The following SATL1 variants were observed in gnomAD, a reference collection of about 807,000 sequenced individuals.
SATL1 encodes the protein spermidine/spermine N(1)-acetyltransferase-like protein 1.
In SATL1, 47 loss-of-function variants were observed where a neutral mutation model predicts 51.8. That is an observed-to-expected ratio of 0.91 (90% confidence interval 0.72 to 1.16). The LOEUF is 1.16. Among genes scored for constraint, SATL1 ranks in the 50% most tolerant of loss-of-function variants. The probability of loss-of-function intolerance (pLI) is 0.00; values close to 1 mark genes in which losing one functional copy is unlikely to be tolerated. For missense variants in SATL1, 520 were observed against 526.4 expected (o/e 0.99, Z 0.12); for synonymous variants, 176 against 182.4 (o/e 0.97, Z 0.28).
At chrX:85,134,185 AGT>A (rs753121725) in intron 2 of SATL1, among the ~76,000 whole-genome samples, 34 of 108,268 alleles carry the variant, frequency 3.1e-4, no homozygotes, top group African/African-American at 7.1e-4. Flanking sequence ...GTGTGTGTAT[AGT>A]GTGTGTGTGT....
At chrX:85,167,749 C>G (rs1325154241) in intron 2 of SATL1, among the ~76,000 whole-genome samples, 1 of 110,976 alleles carries the variant, frequency 9.0e-6, no homozygotes, top group Non-Finnish European at 1.9e-5. Flanking sequence ...TGAAACTATT[C>G]CAAAAAATTG....
chrX:85,202,462 T>C (rs769728502), intron 2 of SATL1, among the ~76,000 whole-genome samples: 5 of 111,764 alleles, frequency 4.5e-5, no homozygotes, highest in African/African-American at 1.6e-4. Flanking sequence ...CTCAGTGCTC[T>C]GAAAGTGTGG....
At chrX:85,160,488 C>T (rs767912523) in intron 2 of SATL1, among the ~76,000 whole-genome samples, 116 of 110,068 alleles carry the variant, frequency 1.1e-3, no homozygotes, top group Non-Finnish European at 1.9e-3. Context: ...TAGAAATGAA[C>T]GAAACTGACC....
rs764520690 is a variant in SATL1 at position 85,107,913 on chromosome X, C to T, written c.1056G>A (p.Pro352=). ...GGCCTGATTGGCTTGGGGCTCGTTGCGGTGGACCTGGTTGGCTTATGCTTG... is the reference window on the plus strand; with the variant it reads ...GGCCTGATTGGCTTGGGGCTCGTTGTGGTGGACCTGGTTGGCTTATGCTTG... ...SEASISQPGP[P]QRAPSQSGPR... is the part of the protein sequence containing the mutation. The change falls in exon 3 of 8, where the codon CCG becomes CCA. Residue 352 remains proline (P), a synonymous_variant. Transcript: ENST00000644105. 1.2e-5 allele frequency: 14 copies of T among 1,207,765 alleles called. No individual in the cohort carries two copies. In the Admixed American group the frequency reaches 1.8e-4, roughly 15 times the overall value.
intron 2 of SATL1, among the ~76,000 whole-genome samples, chrX:85,186,581 A>T (rs1012075620): frequency 9.0e-6 from 1 of 111,446 alleles, no homozygotes; most frequent in African/African-American, 3.3e-5. Flanking sequence ...CCCTCTGTGG[A>T]CACAGTGGTG....
At chrX:85,123,738 CA>C (rs765185068) in intron 2 of SATL1, among the ~76,000 whole-genome samples, 1 of 111,748 alleles carries the variant, frequency 8.9e-6, no homozygotes, top group African/African-American at 3.2e-5. Flanking sequence ...TCAATGATTA[CA>C]AAGAAACATC....
chrX:85,199,356 G>A (rs988933297), intron 2 of SATL1, among the ~76,000 whole-genome samples: 5 of 111,480 alleles, frequency 4.5e-5, no homozygotes, highest in Non-Finnish European at 9.4e-5. Context: ...ATATCACTAC[G>A]GAGAACGCTT....
intron 2 of SATL1, among the ~76,000 whole-genome samples, chrX:85,169,469 AAAGAC>A (rs1926923933): frequency 8.9e-6 from 1 of 111,875 alleles, no homozygotes; most frequent in Non-Finnish European, 1.9e-5. Flanking sequence ...AAAGACAAGA[AAAGAC>A]ACTTTTCAAA....
chrX:85,235,465 CA>C (rs199810662), intron 1 of SATL1, among the ~76,000 whole-genome samples: 1 of 109,260 alleles, frequency 9.2e-6, no homozygotes, highest in Non-Finnish European at 1.9e-5. Flanking sequence ...TTAAGAAATT[CA>C]AAAAAAATTA....
intron 2 of SATL1, among the ~76,000 whole-genome samples, chrX:85,153,349 A>G (rs73511622): frequency 0.049 from 5,451 of 111,737 alleles, 365 homozygotes; most frequent in African/African-American, 0.17. Flanking sequence ...AGGCCTCTTC[A>G]ACCTCTTCAG....
chrX:85,151,887 A>T (rs1005273587), intron 2 of SATL1, among the ~76,000 whole-genome samples: 16 of 111,545 alleles, frequency 1.4e-4, no homozygotes, highest in Non-Finnish European at 3.8e-5. Flanking sequence ...AGGCAATACC[A>T]TTCAGGACAT....
intron 2 of SATL1, among the ~76,000 whole-genome samples, chrX:85,184,815 A>G (rs762779775): frequency 8.9e-6 from 1 of 112,020 alleles, no homozygotes; most frequent in African/African-American, 3.2e-5. Context: ...CTAACTTCCC[A>G]TAATTGGTCA....
chrX:85,186,425 T>C (rs1927315367), intron 2 of SATL1, among the ~76,000 whole-genome samples: 1 of 110,426 alleles, frequency 9.1e-6, no homozygotes, highest in African/African-American at 3.3e-5. Flanking sequence ...TGACCAGCAA[T>C]TTCAGTCCTT....
intron 2 of SATL1, among the ~76,000 whole-genome samples, chrX:85,130,953 G>A (rs747956712): frequency 1.7e-4 from 19 of 111,788 alleles, no homozygotes; most frequent in Non-Finnish European, 2.8e-4. Context: ...GTAGTTGTGC[G>A]GTTTTGATTG....
chrX:85,108,003 C>T lies in SATL1; in HGVS notation c.966G>A (p.Trp322Ter), dbSNP rs1211887907. The T allele has an allele frequency of 8.3e-7, 1 of 1,209,020 alleles. No homozygotes were observed. Among genetic ancestry groups the T allele is most frequent in the Non-Finnish European group, 1.1e-6 (1 of 895,062 alleles). Reference protein sequence around the residue: ...NQPGMKQPGTWQLGRSQPGMW... With the variant: ...NQPGMKQPGT ...TGCCTGGTTGGCTCCTACCTAATTG[C>T]CATGTGCCTGGTTGTTTCATGCCAG... Residue 322 changes from tryptophan to a stop codon, truncating the protein, a stop_gained, in exon 3 of 8, where the codon TGG (tryptophan) becomes TGA (stop). Transcript: ENST00000644105. LOFTEE classifies it high-confidence loss of function.
chrX:85,166,941 A>ATATATG (rs1926851337), intron 2 of SATL1, among the ~76,000 whole-genome samples: 3 of 77,594 alleles, frequency 3.9e-5, no homozygotes, highest in South Asian at 7.4e-4. Context: ...ATATATGTGT[A>ATATATG]TGTGTGTGTG....
intron 4 of SATL1, among the ~76,000 whole-genome samples, chrX:85,100,598 G>A (rs977778581): frequency 8.9e-6 from 1 of 111,746 alleles, no homozygotes; most frequent in Non-Finnish European, 1.9e-5. Flanking sequence ...GTATGCATAG[G>A]AATACAACAT....
At chrX:85,232,560 A>G (rs1928403254) in intron 1 of SATL1, among the ~76,000 whole-genome samples, 1 of 111,411 alleles carries the variant, frequency 9.0e-6, no homozygotes, top group Non-Finnish European at 1.9e-5. Context: ...AGAAAAGCCC[A>G]CTATCCTGTA....
chrX:85,108,758 G>T lies in SATL1; in HGVS notation c.211C>A (p.Gln71Lys). The change falls in exon 3 of 8, where the codon CAA becomes AAA. Residue 71 changes from glutamine (Q) to lysine (K), a missense_variant. Coordinates refer to ENST00000644105, the MANE Select transcript of SATL1 (RefSeq NM_001367857.2). ...QSGTNLPDIN[Q>K]PDMKQPDTWQ... ...GTGTCTGGTTGTTTCATGTCGGGTT[G>T]GTTTATGTCTGGTAGGTTTGTACCT... 1 of 1,209,846 alleles carries T rather than the reference G, an allele frequency of 8.3e-7. No homozygotes were observed. The highest frequency in any genetic ancestry group is 1.8e-5 in the South Asian group (1 of 56,696).
Sources: gnomAD v4.1 joint callset for allele counts (sites outside exome capture counted in the v4.1 genomes callset) on GRCh38, gnomAD v4.1.1 for gene constraint, MANE v1.5 for transcripts, NCBI Gene and HGNC (gene_info 2026-07-23, HGNC 2026-07-21) for gene names.